Variants in CPE observed in about 807,000 individuals in gnomAD.
CPE encodes the protein carbocypeptidase E.
Under a neutral mutation model 53.5 loss-of-function variants are expected in CPE, and 17 were observed. The observed-to-expected ratio is 0.32, with a 90% CI of 0.22 to 0.48. The LOEUF (loss-of-function observed/expected upper bound fraction) is 0.48, where lower values mean the gene tolerates loss of function less well. Among genes scored for constraint, CPE ranks in the 20% least tolerant of loss-of-function variants. The probability of loss-of-function intolerance (pLI) is 0.99; values close to 1 mark genes in which losing one functional copy is unlikely to be tolerated. For synonymous variants in CPE, 226 were observed against 228.8 expected, an observed-to-expected ratio of 0.99 and a Z score of 0.11; for missense variants, 524 against 614.7, an observed-to-expected ratio of 0.85 and a Z score of 1.56.
At chr4:165,405,744 A>G (rs1392141383) in intron 1 of CPE, 2 of 932,356 alleles carry the variant, frequency 2.1e-6, no homozygotes, top group African/African-American at 1.6e-5. Context: ...CCCTGTCTGC[A>G]CGGATGTTTC....
chr4:165,408,015 A>G (rs1029801204), intron 1 of CPE, among the ~76,000 whole-genome samples: 31 of 151,988 alleles, frequency 2.0e-4, no homozygotes, highest in African/African-American at 7.5e-4. Flanking sequence ...AATTTATCTT[A>G]TTATTGTTGA....
intron 1 of CPE, among the ~76,000 whole-genome samples, chr4:165,385,717 A>G (rs1191582853): frequency 6.6e-6 from 1 of 152,232 alleles, no homozygotes. Context: ...GCGTCACTCA[A>G]TAGGACACTC....
chr4:165,445,180 T>A (rs1455649629), intron 1 of CPE, among the ~76,000 whole-genome samples: 2 of 152,202 alleles, frequency 1.3e-5, no homozygotes, highest in Non-Finnish European at 2.9e-5. Context: ...GGTCTCGAAC[T>A]CATGACCTCA....
intron 1 of CPE, among the ~76,000 whole-genome samples, chr4:165,389,207 A>G (rs953247388): frequency 5.9e-5 from 9 of 152,202 alleles, no homozygotes; most frequent in Non-Finnish European, 8.8e-5. Context: ...ATCTAGACAT[A>G]TAGGTTTTAT....
At chr4:165,414,570 A>G (rs2126669652) in intron 1 of CPE, among the ~76,000 whole-genome samples, 1 of 127,918 alleles carries the variant, frequency 7.8e-6, no homozygotes, top group East Asian at 2.5e-4. Context: ...ATTCTCTTGT[A>G]GGCCACTTGG....
intron 1 of CPE, among the ~76,000 whole-genome samples, chr4:165,398,051 TAA>T (rs397955897): frequency 9.8e-5 from 9 of 92,240 alleles, no homozygotes; most frequent in Non-Finnish European, 1.5e-4. Flanking sequence ...TCCTCATTTC[TAA>T]AAAAAAAAAA....
intron 6 of CPE, among the ~76,000 whole-genome samples, chr4:165,487,805 C>A (rs774524885): frequency 6.6e-6 from 1 of 152,026 alleles, no homozygotes; most frequent in Admixed American, 6.6e-5. Flanking sequence ...ACAGAAAAGA[C>A]GTAGACTCTC....
At chr4:165,481,011 TA>T (rs57653282) in intron 3 of CPE, among the ~76,000 whole-genome samples, 4,301 of 102,118 alleles carry the variant, frequency 0.042, 103 homozygotes, top group East Asian at 0.059. Flanking sequence ...TATATATATA[TA>T]TATATTTTTT....
intron 1 of CPE, among the ~76,000 whole-genome samples, chr4:165,416,316 G>A (rs916141654): frequency 1.3e-5 from 2 of 152,138 alleles, no homozygotes; most frequent in African/African-American, 4.8e-5. Context: ...TGCCCCTCTG[G>A]GGGCTCTGGG....
intron 1 of CPE, among the ~76,000 whole-genome samples, chr4:165,433,319 A>G (rs1344768869): frequency 1.3e-5 from 2 of 152,176 alleles, no homozygotes; most frequent in African/African-American, 2.4e-5. Context: ...GGAAGGTCAG[A>G]TGACTTAGTT....
intron 1 of CPE, among the ~76,000 whole-genome samples, chr4:165,441,376 A>ACATAGT (rs1579262877): frequency 6.6e-6 from 1 of 152,286 alleles, no homozygotes; most frequent in East Asian, 1.9e-4. Context: ...CTTTCCTGTG[A>ACATAGT]CATAGTACGT....
At chr4:165,439,832 T>A (rs994999813) in intron 1 of CPE, among the ~76,000 whole-genome samples, 2 of 152,158 alleles carry the variant, frequency 1.3e-5, no homozygotes, top group Admixed American at 1.3e-4. Context: ...GTCAACATTC[T>A]GGATAAAATC....
At chr4:165,424,128 T>G (rs553761990) in intron 1 of CPE, among the ~76,000 whole-genome samples, 23 of 152,110 alleles carry the variant, frequency 1.5e-4, no homozygotes, top group Non-Finnish European at 3.1e-4. Flanking sequence ...TTGCTGCATT[T>G]TTTTTTAGTT....
intron 6 of CPE, 27 bp from the exon 7 acceptor site, chr4:165,493,144 T>A (rs568249212): frequency 4.8e-6 from 7 of 1,460,818 alleles, no homozygotes; most frequent in Middle Eastern, 1.8e-4. Context: ...GTCATATTAA[T>A]TTTTTGGTTA....
At chr4:165,383,629 T>C (rs1359333495) in intron 1 of CPE, among the ~76,000 whole-genome samples, 1 of 152,258 alleles carries the variant, frequency 6.6e-6, no homozygotes, top group Admixed American at 6.5e-5. Flanking sequence ...TATTCCTCTC[T>C]GAATCTGTTA....
At chr4:165,440,480 G>A (rs1731590637) in intron 1 of CPE, among the ~76,000 whole-genome samples, 1 of 144,272 alleles carries the variant, frequency 6.9e-6, no homozygotes, top group Non-Finnish European at 1.5e-5. Context: ...ACAAGCTGTG[G>A]TTTCTGGAAC....
chr4:165,477,671 T>G (rs2126708798), intron 3 of CPE, among the ~76,000 whole-genome samples: 1 of 151,650 alleles, frequency 6.6e-6, no homozygotes, highest in Non-Finnish European at 1.5e-5. Flanking sequence ...GAACAGGGAA[T>G]CAAATCAGAT....
intron 3 of CPE, among the ~76,000 whole-genome samples, chr4:165,478,711 G>C (rs73860789): frequency 0.014 from 2,114 of 152,124 alleles, 53 homozygotes; most frequent in African/African-American, 0.047. Context: ...GGTGCATACT[G>C]TGCAAGCCAT....
intron 5 of CPE, among the ~76,000 whole-genome samples, chr4:165,485,141 GC>G (rs1732486142): frequency 6.6e-6 from 1 of 152,176 alleles, no homozygotes. Context: ...TGAAAAGGAA[GC>G]AGTTGCCATG....
Sources: gnomAD v4.1 joint callset for allele counts (sites outside exome capture counted in the v4.1 genomes callset) on GRCh38, gnomAD v4.1.1 for gene constraint, MANE v1.5 for transcripts, NCBI Gene and HGNC (gene_info 2026-07-23, HGNC 2026-07-21) for gene names.